The following ZDHHC3 variants were observed in gnomAD, a reference collection of about 807,000 sequenced individuals.
ZDHHC3 encodes the protein palmitoyltransferase ZDHHC3.
ZDHHC3 carries 9 observed loss-of-function variants against 30.6 expected under a neutral mutation model. The ratio of observed to expected loss-of-function variants is 0.29; its 90% CI spans 0.18 to 0.51. ZDHHC3 has a LOEUF of 0.51. Ranked by LOEUF, ZDHHC3 falls within the 20% of genes least tolerant of loss-of-function variation. The pLI is 0.97. For missense variants in ZDHHC3, 246 were observed against 384.2 expected (o/e 0.64, Z 3.01); for synonymous variants, 136 against 140.2 (o/e 0.97, Z 0.21).
At chr3:44,968,300 C>T (rs1430841569) in intron 1 of ZDHHC3, among the ~76,000 whole-genome samples, 1 of 152,072 alleles carries the variant, frequency 6.6e-6, no homozygotes, top group African/African-American at 2.4e-5. Context: ...TCTCTAATCT[C>T]TGACTCTTTA....
At chr3:44,969,634 G>A (rs941387405) in intron 1 of ZDHHC3, 1 of 152,180 alleles carries the variant, frequency 6.6e-6, no homozygotes, top group African/African-American at 2.4e-5. Flanking sequence ...TCCACACATG[G>A]TTATGCAGAG....
Position 44,933,115 on chromosome 3 carries a change from C to T in ZDHHC3, c.610+3G>A, listed in dbSNP as rs966551670. 1 of 1,614,100 alleles carries T rather than the reference C, an allele frequency of 6.2e-7. No individual in the cohort carries two copies. Among genetic ancestry groups the T allele is most frequent in the African/African-American group, 1.3e-5 (1 of 74,932 alleles). On this transcript the variant is annotated splice_donor_region_variant and intron_variant, in intron 5 of 6. Coordinates refer to ENST00000424952, the MANE Select transcript of ZDHHC3 (RefSeq NM_001135179.2). ...AGGGAGGAAAGCCTCAGCACATACT[C>T]ACTTGTCCAATCTTCTTCAAAGCAA...
In ZDHHC3 at chr3:44,924,832, A is replaced by T; in HGVS notation, c.*1857T>A. 1.0e-6 allele frequency: 1 copy of T among 985,538 alleles called. No homozygotes were observed. Among genetic ancestry groups the T allele is most frequent in the Non-Finnish European group, 1.2e-6 (1 of 829,914 alleles). The allele number at this position is 985,538 out of a possible 1,614,324, so 61.0% of individuals were successfully genotyped here. ...TGCTATCAACTTGATCTAAAACAGC[A>T]TTCTTTTCTTTTTAATCTTAGCATC... On this transcript the variant is annotated 3_prime_UTR_variant, in exon 7 of 7. Coordinates refer to ENST00000424952, the MANE Select transcript of ZDHHC3 (RefSeq NM_001135179.2).
chr3:44,972,191 G>A (rs1705460566), intron 1 of ZDHHC3, among the ~76,000 whole-genome samples: 1 of 152,192 alleles, frequency 6.6e-6, no homozygotes, highest in African/African-American at 2.4e-5. Flanking sequence ...GGCTGGGCAT[G>A]GTGGCTCATG....
intron 2 of ZDHHC3, among the ~76,000 whole-genome samples, chr3:44,946,444 T>C (rs1164898937): frequency 1.3e-5 from 2 of 152,208 alleles, no homozygotes; most frequent in Admixed American, 6.5e-5. Context: ...CTGAGCCCTG[T>C]GCTCTCATGC....
In ZDHHC3 at chr3:44,925,178, GAAA is replaced by G; in HGVS notation, c.*1508_*1510del. 2 of 985,874 alleles carry G rather than the reference GAAA, an allele frequency of 2.0e-6. No homozygotes were observed. Among genetic ancestry groups the G allele is most frequent in the Non-Finnish European group, 2.4e-6 (2 of 829,932 alleles). The allele number at this position is 985,874 out of a possible 1,614,324, so 61.1% of individuals were successfully genotyped here. ...GAGAGCTAAATCAGAACAGGTTTTGGAAAAATTTTATTGCATTTTGTTTCCATG... is the reference window on the plus strand; with the variant it reads ...GAGAGCTAAATCAGAACAGGTTTTGGAATTTTATTGCATTTTGTTTCCATG... On this transcript the variant is annotated 3_prime_UTR_variant, in exon 7 of 7. Transcript: ENST00000424952.
intron 2 of ZDHHC3, chr3:44,958,798 C>T (rs956414237): frequency 2.1e-6 from 2 of 942,404 alleles, no homozygotes; most frequent in Non-Finnish European, 1.6e-6. Flanking sequence ...GATCATCTGG[C>T]CCCAGTCTTC....
At chr3:44,934,859 C>G (rs1302112153) in intron 3 of ZDHHC3, among the ~76,000 whole-genome samples, 1 of 148,348 alleles carries the variant, frequency 6.7e-6, no homozygotes, top group Non-Finnish European at 1.5e-5. Flanking sequence ...GCCACTGCAC[C>G]CTAGCCTGGA....
intron 5 of ZDHHC3, among the ~76,000 whole-genome samples, chr3:44,929,927 G>C (rs1010135215): frequency 2.0e-5 from 3 of 152,340 alleles, no homozygotes; most frequent in African/African-American, 7.2e-5. Context: ...GGCAGCTGTG[G>C]AGGATCACTT....
intron 3 of ZDHHC3, among the ~76,000 whole-genome samples, chr3:44,939,219 A>G (rs1457643386): frequency 1.3e-5 from 2 of 152,268 alleles, no homozygotes; most frequent in Non-Finnish European, 2.9e-5. Context: ...ACAAAGAGCA[A>G]GAGAAGTACC....
chr3:44,933,394 C>T (rs1031622227), intron 4 of ZDHHC3, 195 bp from the exon 5 acceptor site: 3 of 611,030 alleles, frequency 4.9e-6, no homozygotes, highest in South Asian at 2.0e-5. Context: ...AAGTGAGCAG[C>T]CACCTCCGGG....
chr3:44,961,698 A>G (rs997411255), intron 1 of ZDHHC3, among the ~76,000 whole-genome samples: 1 of 152,234 alleles, frequency 6.6e-6, no homozygotes, highest in African/African-American at 2.4e-5. Context: ...AATGATTCAA[A>G]AGCTGATTGA....
In ZDHHC3 at chr3:44,919,938, C is replaced by A; in HGVS notation, c.*6751G>T. On this transcript the variant is annotated 3_prime_UTR_variant, in exon 7 of 7. Transcript: ENST00000424952. The stretch of plus-strand genomic sequence containing the variant: ...ATGCAAAGCTGGAAATGAGAAATGC[C>A]CAATAATGATGGTTAAGCAAATGAT... 1 of 1,034,196 alleles carries A rather than the reference C, an allele frequency of 9.7e-7. No individual in the cohort carries two copies. The highest frequency in any genetic ancestry group is 1.2e-6 in the Non-Finnish European group (1 of 856,166). 64.1% of individuals were successfully genotyped at this position (1,034,196 alleles called of 1,614,324 possible).
At chr3:44,956,137 T>C (rs996332120) in intron 2 of ZDHHC3, among the ~76,000 whole-genome samples, 3 of 152,218 alleles carry the variant, frequency 2.0e-5, no homozygotes, top group African/African-American at 7.2e-5. Flanking sequence ...TACGCTTCAA[T>C]GCAGTGGGTA....
intron 3 of ZDHHC3, among the ~76,000 whole-genome samples, chr3:44,939,253 TTC>T (rs554064978): frequency 1.3e-5 from 2 of 152,230 alleles, no homozygotes; most frequent in African/African-American, 2.4e-5. Context: ...GCCACTCTGC[TTC>T]TCTCTCTCTG....
At position 44,921,304 on chromosome 3, in the gene ZDHHC3, T is replaced by A; in HGVS notation, c.*5385A>T. On this transcript the variant is annotated 3_prime_UTR_variant, in exon 7 of 7. Transcript: ENST00000424952. ...AACAGGCTGTTCCCTGCTCCCTGTA[T>A]CATCAGATGTAGAAAGCCAGAGCCT... 1.0e-6 allele frequency: 1 copy of A among 985,384 alleles called. No individual in the cohort carries two copies. The highest frequency in any genetic ancestry group is 1.2e-6 in the Non-Finnish European group (1 of 829,904). The allele number at this position is 985,384 out of a possible 1,614,324, so 61.0% of individuals were successfully genotyped here.
chr3:44,936,432 T>C (rs1190238318), intron 3 of ZDHHC3, among the ~76,000 whole-genome samples: 1 of 152,230 alleles, frequency 6.6e-6, no homozygotes, highest in African/African-American at 2.4e-5. Flanking sequence ...TCAACCATTG[T>C]GGAAAGCAGT....
chr3:44,947,836 T>C (rs1016131292), intron 2 of ZDHHC3, among the ~76,000 whole-genome samples: 1 of 152,190 alleles, frequency 6.6e-6, no homozygotes, highest in Non-Finnish European at 1.5e-5. Context: ...GTACACAGTA[T>C]GACACAAAGT....
intron 6 of ZDHHC3, 121 bp from the exon 7 acceptor site, chr3:44,926,968 CT>C: frequency 7.6e-7 from 1 of 1,322,386 alleles, no homozygotes; most frequent in Non-Finnish European, 9.9e-7. Flanking sequence ...ACAAAGCTAT[CT>C]ACCTAATATA....
Sources: allele counts gnomAD v4.1 joint callset (sites outside exome capture counted in the v4.1 genomes callset), GRCh38; gene constraint gnomAD v4.1.1; transcripts MANE v1.5; gene names NCBI Gene and HGNC (gene_info 2026-07-23, HGNC 2026-07-21).